FRMD4B: variants seen among roughly 807,000 people sequenced by gnomAD.
FRMD4B encodes FERM domain-containing protein 4B.
Under a neutral mutation model 141.5 loss-of-function variants are expected in FRMD4B, and 74 were observed. The ratio of observed to expected loss-of-function variants is 0.52; its 90% CI spans 0.43 to 0.63. FRMD4B has a LOEUF of 0.63. Among genes scored for constraint, FRMD4B ranks in the 30% least tolerant of loss-of-function variants. The probability of loss-of-function intolerance (pLI) is 0.00; values close to 1 mark genes in which losing one functional copy is unlikely to be tolerated. For synonymous variants in FRMD4B, 506 were observed against 467.9 expected, an observed-to-expected ratio of 1.08 and a Z score of -1.05; for missense variants, 1,366 against 1,253.4, an observed-to-expected ratio of 1.09 and a Z score of -1.36.
chr3:69,187,623 T>C (rs2092784425), intron 19 of FRMD4B, 147 bp downstream of exon 19: 1 of 509,624 alleles, frequency 2.0e-6, no homozygotes, highest in Non-Finnish European at 3.4e-6. Flanking sequence ...ACAAACTGGG[T>C]TAGTTTCTAT....
intron 11 of FRMD4B, among the ~76,000 whole-genome samples, chr3:69,211,148 T>A (rs1272862450): frequency 6.6e-6 from 1 of 152,184 alleles, no homozygotes; most frequent in Non-Finnish European, 1.5e-5. Context: ...TACTCTTTTA[T>A]TGTCTGTCTT....
At chr3:69,359,701 T>G (rs74456265) in intron 1 of FRMD4B, among the ~76,000 whole-genome samples, 2,244 of 152,316 alleles carry the variant, frequency 0.015, 62 homozygotes, top group African/African-American at 0.049. Flanking sequence ...GAAGCAGGCA[T>G]GATAGGGGTT....
In FRMD4B at chr3:69,193,675, G is replaced by A; in HGVS notation, c.1687C>T (p.Pro563Ser). 2 of 1,611,490 alleles carry A rather than the reference G, an allele frequency of 1.2e-6. No homozygotes were observed. Among genetic ancestry groups the A allele is most frequent in the Non-Finnish European group, 1.7e-6 (2 of 1,178,506 alleles). Residue 563 changes from proline to serine, a missense_variant, in exon 17 of 23, where the codon CCC becomes TCC. Transcript: ENST00000398540. ...NEYRIRCGKK[P>S]SQKATVLPED... ...GGTAACACTGTTGCTTTCTGGCTGG[G>A]TTTCTTTCCACACCTAATTCGGTAT...
chr3:69,483,806 T>G (rs1706169980), intron 1 of FRMD4B, among the ~76,000 whole-genome samples: 1 of 152,230 alleles, frequency 6.6e-6, no homozygotes, highest in African/African-American at 2.4e-5. Context: ...TCCATTACGA[T>G]GACCTTATCA....
chr3:69,187,705 T>G, intron 19 of FRMD4B, 65 bp downstream of exon 19: 1 of 1,469,216 alleles, frequency 6.8e-7, no homozygotes, highest in African/African-American at 1.4e-5. Flanking sequence ...AACCATACAT[T>G]GCATTTTGGA....
At chr3:69,207,507 G>A (rs924679347) in intron 11 of FRMD4B, among the ~76,000 whole-genome samples, 9 of 151,914 alleles carry the variant, frequency 5.9e-5, no homozygotes, top group Non-Finnish European at 1.2e-4. Context: ...GACATGTAAA[G>A]GAATAGAAAA....
At chr3:69,261,059 A>C (rs780071052) in intron 5 of FRMD4B, among the ~76,000 whole-genome samples, 4 of 152,214 alleles carry the variant, frequency 2.6e-5, no homozygotes, top group Non-Finnish European at 5.9e-5. Flanking sequence ...AGGTTGCCAG[A>C]GCCAGATTTC....
intron 1 of FRMD4B, among the ~76,000 whole-genome samples, chr3:69,448,725 C>T (rs372666290): frequency 3.3e-5 from 5 of 151,970 alleles, no homozygotes; most frequent in East Asian, 1.9e-4. Context: ...CTCGTGCAAG[C>T]GTTTACTTTA....
chr3:69,540,653 A>G (rs1701164394), intron 1 of FRMD4B, among the ~76,000 whole-genome samples: 1 of 85,328 alleles, frequency 1.2e-5, no homozygotes. Context: ...ATATATATAT[A>G]TATATATACA....
chr3:69,319,914 A>G (rs149271516), intron 1 of FRMD4B, among the ~76,000 whole-genome samples: 6 of 152,244 alleles, frequency 3.9e-5, no homozygotes, highest in African/African-American at 1.2e-4. Flanking sequence ...AAACAAAAAC[A>G]AAGAATCATG....
At position 69,281,864 on chromosome 3, in the gene FRMD4B, G is replaced by A. The variant is rs188151593; in HGVS notation, c.501+5888C>T. Among the ~76,000 whole-genome samples, 114 of 148,528 alleles carry A rather than the reference G, an allele frequency of 7.7e-4. 1 individual carries two copies. Among genetic ancestry groups the A allele is most frequent in the African/African-American group, 2.6e-3 (106 of 40,470 alleles). Reference sequence around the variant, plus strand: ...ATATATATATATATTTTTGCTTACAGTATTTTTCACAAAAGTGAAAAATCT... The same window carrying A: ...ATATATATATATATTTTTGCTTACAATATTTTTCACAAAAGTGAAAAATCT... On this transcript the variant is annotated intron_variant, in intron 5 of 22. Coordinates refer to ENST00000398540, the MANE Select transcript of FRMD4B (RefSeq NM_015123.3).
intron 1 of FRMD4B, among the ~76,000 whole-genome samples, chr3:69,478,940 A>G (rs1298712571): frequency 2.7e-5 from 4 of 148,266 alleles, no homozygotes; most frequent in East Asian, 2.0e-4. Flanking sequence ...TGTTGAATTG[A>G]TCCCTTTACC....
chr3:69,341,243 C>T (rs1046157513), intron 1 of FRMD4B, among the ~76,000 whole-genome samples: 3 of 152,144 alleles, frequency 2.0e-5, no homozygotes, highest in Non-Finnish European at 4.4e-5. Flanking sequence ...CCACGAACAA[C>T]CTCCTATTCT....
Position 69,341,295 on chromosome 3 carries a change from A to G in FRMD4B, c.163-27778T>C, listed in dbSNP as rs544685345. Among the ~76,000 whole-genome samples, 3 of 152,320 alleles carry G rather than the reference A, an allele frequency of 2.0e-5. 1 individual carries two copies. The highest frequency in any genetic ancestry group is 7.2e-5 in the African/African-American group (3 of 41,562). On this transcript the variant is annotated intron_variant, in intron 1 of 22. Coordinates refer to ENST00000398540, the MANE Select transcript of FRMD4B (RefSeq NM_015123.3). ...TGGTTACTGAAAAAAATCTCTGCAG[A>G]TTTACAGATGAATCCCCTAAAGCCA...
chr3:69,322,969 A>T, intron 1 of FRMD4B: 1 of 869,954 alleles, frequency 1.1e-6, no homozygotes, highest in Non-Finnish European at 1.4e-6. Flanking sequence ...AAAGTTGGGT[A>T]GAATCTCAGG....
At chr3:69,275,722 T>G (rs981133589) in intron 5 of FRMD4B, among the ~76,000 whole-genome samples, 5 of 152,114 alleles carry the variant, frequency 3.3e-5, no homozygotes, top group African/African-American at 1.2e-4. Flanking sequence ...TCATCTACCA[T>G]GCCCAGCCAT....
intron 3 of FRMD4B, chr3:69,310,380 G>T (rs1701536469): frequency 2.3e-6 from 1 of 436,294 alleles, no homozygotes; most frequent in Non-Finnish European, 4.7e-6. Context: ...AATGCTGGAT[G>T]GTTGGCCAAC....
chr3:69,225,951 T>G (rs2093250198), intron 7 of FRMD4B, among the ~76,000 whole-genome samples: 1 of 152,104 alleles, frequency 6.6e-6, no homozygotes, highest in Non-Finnish European at 1.5e-5. Context: ...TAGCTACCCT[T>G]CGATGAAAGG....
chr3:69,516,565 A>G (rs1004043144), intron 1 of FRMD4B, among the ~76,000 whole-genome samples: 1 of 152,208 alleles, frequency 6.6e-6, no homozygotes, highest in Non-Finnish European at 1.5e-5. Context: ...CCCTGCCAAC[A>G]TCTTGATTTT....
Sources: allele counts gnomAD v4.1 joint callset (sites outside exome capture counted in the v4.1 genomes callset), GRCh38; gene constraint gnomAD v4.1.1; transcripts MANE v1.5; gene names NCBI Gene and HGNC (gene_info 2026-07-23, HGNC 2026-07-21).